The following CADM1 variants were observed in gnomAD, a reference collection of about 807,000 sequenced individuals.
CADM1 encodes the protein cell adhesion molecule 1, also known as TSLC-1.
A neutral mutation model predicts 53.1 loss-of-function variants in CADM1; 15 were observed. The observed-to-expected ratio is 0.28, with a 90% CI of 0.19 to 0.44. CADM1 has a LOEUF of 0.44. CADM1 is among the 20% of genes least tolerant of loss of function. The pLI, the probability that CADM1 is intolerant of heterozygous loss-of-function variation, is 1.00. For missense variants in CADM1, 434 were observed against 611.3 expected (o/e 0.71, Z 3.06); for synonymous variants, 281 against 243.0 (o/e 1.16, Z -1.45).
chr11:115,435,900 C>T (rs141778707), intron 1 of CADM1, among the ~76,000 whole-genome samples: 236 of 152,272 alleles, frequency 1.5e-3, no homozygotes, highest in African/African-American at 5.4e-3. Flanking sequence ...AAAAGTTTGC[C>T]AGTATCTGGC....
intron 6 of CADM1, among the ~76,000 whole-genome samples, chr11:115,217,139 AAG>A (rs1941221253): frequency 6.6e-6 from 1 of 152,140 alleles, no homozygotes; most frequent in Non-Finnish European, 1.5e-5. Flanking sequence ...AGAAACACTA[AAG>A]AAGTGTCCCC....
intron 1 of CADM1, among the ~76,000 whole-genome samples, chr11:115,304,302 G>T (rs1318244914): frequency 2.6e-5 from 4 of 151,950 alleles, no homozygotes; most frequent in Non-Finnish European, 4.4e-5. Context: ...ATTTTCTCAG[G>T]CTCATGACCC....
intron 1 of CADM1, among the ~76,000 whole-genome samples, chr11:115,290,473 T>C (rs1268582274): frequency 1.3e-5 from 2 of 152,144 alleles, no homozygotes; most frequent in Non-Finnish European, 2.9e-5. Context: ...TTAAACCTCA[T>C]TTGTGATTTT....
chr11:115,454,500 G>A (rs1948643252), intron 1 of CADM1, among the ~76,000 whole-genome samples: 2 of 152,146 alleles, frequency 1.3e-5, no homozygotes, highest in Admixed American at 1.3e-4. Flanking sequence ...TTACTGTAGG[G>A]CTAAATTTTT....
intron 1 of CADM1, among the ~76,000 whole-genome samples, chr11:115,404,988 CA>C (rs1947278444): frequency 6.6e-6 from 1 of 152,020 alleles, no homozygotes; most frequent in Non-Finnish European, 1.5e-5. Flanking sequence ...CAGTGAAATG[CA>C]GATTTTTGTT....
chr11:115,432,884 T>A (rs1948091622), intron 1 of CADM1, among the ~76,000 whole-genome samples: 1 of 152,254 alleles, frequency 6.6e-6, no homozygotes, highest in Non-Finnish European at 1.5e-5. Context: ...TATGCACTTC[T>A]GAGAGTTTGT....
intron 9 of CADM1, among the ~76,000 whole-genome samples, chr11:115,195,461 G>C (rs967369613): frequency 1.3e-5 from 2 of 152,100 alleles, no homozygotes; most frequent in African/African-American, 2.4e-5. Context: ...AGGAAATCCA[G>C]TATGAAAACT....
chr11:115,214,774 C>T lies in CADM1; in HGVS notation c.828G>A (p.Val276=). The T allele has an allele frequency of 6.2e-7, 1 of 1,613,858 alleles. No homozygotes were observed. The highest frequency in any genetic ancestry group is 8.5e-7 in the Non-Finnish European group (1 of 1,179,866). The change falls in exon 7 of 12, where the codon GTG becomes GTA. Residue 276 remains valine (V), a synonymous_variant. Coordinates refer to ENST00000331581, the MANE Select transcript of CADM1 (RefSeq NM_001301043.2). Reference sequence around the variant, plus strand: ...CATCGACTCTCACCCAAGTTACCATCACAGGCCTGCAGGGGGAAGGGGAGG... The same window carrying T: ...CATCGACTCTCACCCAAGTTACCATTACAGGCCTGCAGGGGGAAGGGGAGG... ...TCEAIGKPQP[V]MVTWVRVDDE...
At position 115,217,879 on chromosome 11, in the gene CADM1, C is replaced by T. The variant is rs1443022059; in HGVS notation, c.821+13G>A. 2.5e-6 allele frequency: 4 copies of T among 1,597,014 alleles called. No individual in the cohort carries two copies. The highest frequency in any genetic ancestry group is 1.1e-5 in the South Asian group (1 of 90,718). ...CGCATGACCCTCTGCCAACTTTGGC[C>T]TTCAGAACTTACTGGGGCTTCCCGA... On this transcript the variant is annotated intron_variant, in intron 6 of 11. Transcript: ENST00000331581.
At chr11:115,233,437 C>T (rs186578596) in intron 3 of CADM1, among the ~76,000 whole-genome samples, 1 of 152,228 alleles carries the variant, frequency 6.6e-6, no homozygotes, top group Admixed American at 6.5e-5. Flanking sequence ...ATAGTTCATC[C>T]ATGCTAGATG....
Position 115,398,552 on chromosome 11 carries a change from A to G in CADM1, c.124+105719T>C, listed in dbSNP as rs538077558. ...ATTGCTCATCTGTTTACTAGGCCAG[A>G]TAGCTAGATAATTCTAAACACAACA... On this transcript the variant is annotated intron_variant, in intron 1 of 11. Coordinates refer to ENST00000331581, the MANE Select transcript of CADM1 (RefSeq NM_001301043.2). Among the ~76,000 whole-genome samples the G allele has an allele frequency of 9.8e-5, 15 of 152,354 alleles. No individual in the cohort carries two copies. In the South Asian group the frequency reaches 3.1e-3, roughly 32 times the overall value.
chr11:115,451,227 T>C (rs1948564783), intron 1 of CADM1, among the ~76,000 whole-genome samples: 1 of 152,228 alleles, frequency 6.6e-6, no homozygotes, highest in Admixed American at 6.5e-5. Flanking sequence ...TTGTATTAAT[T>C]ATCTGCCTTG....
intron 7 of CADM1, among the ~76,000 whole-genome samples, chr11:115,213,767 T>G (rs1941063112): frequency 6.6e-6 from 1 of 152,214 alleles, no homozygotes; most frequent in Non-Finnish European, 1.5e-5. Flanking sequence ...TATAACACAT[T>G]GAAATGCCGA....
rs747352768 is a variant in CADM1, at chr11:115,209,591, A to ATGGTGG, written c.1055_1060dup (p.Thr352_Thr353dup). On this transcript the variant is annotated inframe_insertion, in exon 8 of 12. Transcript: ENST00000331581. ...TACCATACCTGTGATGATGGTAAGG[A>ATGGTGG]TGGTGGTGGTGGTGGTGGTGGTGGT... 4.6e-4 allele frequency: 430 copies of ATGGTGG among 924,976 alleles called. 1 individual carries two copies. The African/African-American group carries it at 5.6e-3, about 12-fold the overall frequency. The allele number at this position is 924,976 out of a possible 1,614,324, so 57.3% of individuals were successfully genotyped here.
chr11:115,189,542 A>G (rs1939739864), intron 10 of CADM1, among the ~76,000 whole-genome samples: 1 of 97,796 alleles, frequency 1.0e-5, no homozygotes, highest in African/African-American at 4.2e-5. Flanking sequence ...GCTTACTTCC[A>G]GCATCACATT....
intron 1 of CADM1, among the ~76,000 whole-genome samples, chr11:115,355,599 G>A (rs1035222132): frequency 1.3e-5 from 2 of 151,888 alleles, no homozygotes; most frequent in African/African-American, 4.8e-5. Context: ...ACGTGCATAT[G>A]TACCTCTGAC....
rs1450409613 is a variant in CADM1, at chr11:115,231,668, T to C, written c.425-178A>G. On this transcript the variant is annotated intron_variant, in intron 3 of 11. Coordinates refer to ENST00000331581, the MANE Select transcript of CADM1 (RefSeq NM_001301043.2). ...TTATGCAAAATCAGTTAATTTAGAA[T>C]TTCTATCCTAAATTTATGTTATAAA... Among the ~76,000 whole-genome samples, 3 of 152,318 alleles carry C rather than the reference T, an allele frequency of 2.0e-5. No individual in the cohort carries two copies. In the East Asian group the frequency reaches 5.8e-4, roughly 29 times the overall value.
chr11:115,349,348 T>C (rs767245335), intron 1 of CADM1, among the ~76,000 whole-genome samples: 4 of 152,200 alleles, frequency 2.6e-5, no homozygotes, highest in African/African-American at 4.8e-5. Flanking sequence ...TTCTTCTTTA[T>C]TACAGGAAAG....
At chr11:115,228,026 G>A (rs1941677852) in intron 5 of CADM1, among the ~76,000 whole-genome samples, 1 of 152,218 alleles carries the variant, frequency 6.6e-6, no homozygotes, top group Admixed American at 6.5e-5. Flanking sequence ...TACATCCAAT[G>A]ACAAGTGTCC....
Sources: allele counts gnomAD v4.1 joint callset (sites outside exome capture counted in the v4.1 genomes callset), GRCh38; gene constraint gnomAD v4.1.1; transcripts MANE v1.5; gene names NCBI Gene and HGNC (gene_info 2026-07-23, HGNC 2026-07-21).